Variants in HEXD observed in about 807,000 individuals in gnomAD.
HEXD encodes the protein hexosaminidase D, also known as N-acetyl-beta-galactosaminidase.
In HEXD, 47 loss-of-function variants were observed where a neutral mutation model predicts 54.2. That is an observed-to-expected ratio of 0.87 (90% CI 0.69 to 1.11). HEXD has a LOEUF of 1.11. Among genes scored for constraint, HEXD ranks in the 50% least tolerant of loss-of-function variants. The pLI is 0.00. For missense variants in HEXD, 576 were observed against 649.2 expected (o/e 0.89, Z 1.23); for synonymous variants, 293 against 287.6 (o/e 1.02, Z -0.19).
intron 8 of HEXD, chr17:82,439,310 C>T: frequency 4.3e-6 from 2 of 464,356 alleles, no homozygotes; most frequent in Non-Finnish European, 5.6e-6. Flanking sequence ...TCTCAGAGGC[C>T]AGAGGTGCTG....
At chr17:82,423,812 CAA>C (rs570299369) in intron 2 of HEXD, among the ~76,000 whole-genome samples, 15 of 91,192 alleles carry the variant, frequency 1.6e-4, no homozygotes, top group Non-Finnish European at 1.4e-4. Context: ...GACTCCATCT[CAA>C]AAAAAAAAAA....
intron 4 of HEXD, among the ~76,000 whole-genome samples, chr17:82,429,608 T>C (rs2053520784): frequency 6.6e-6 from 1 of 152,142 alleles, no homozygotes; most frequent in Admixed American, 6.5e-5. Flanking sequence ...TCCAGGTCAC[T>C]AAGTCCAGGG....
intron 4 of HEXD, among the ~76,000 whole-genome samples, chr17:82,429,900 C>A (rs1291546900): frequency 6.6e-6 from 1 of 152,142 alleles, no homozygotes. Flanking sequence ...AACTCCAGAC[C>A]TCCTGGGTTA....
In HEXD at chr17:82,440,390, C is replaced by T. The variant is rs1389391892; in HGVS notation, c.983-607C>T. The stretch of plus-strand genomic sequence containing the variant: ...CTTCTCAGTTGCTGACTCTCAACTG[C>T]TTAGAAAGGGGCAGAAACGATAAAA... On this transcript the variant is annotated intron_variant, in intron 9 of 12. Coordinates refer to ENST00000327949, the MANE Select transcript of HEXD (RefSeq NM_001330542.2). The T allele has an allele frequency of 1.2e-5, 13 of 1,059,448 alleles. No homozygotes were observed. In the South Asian group the frequency reaches 1.7e-4, roughly 14 times the overall value. The allele number at this position is 1,059,448 out of a possible 1,614,324, so 65.6% of individuals were successfully genotyped here.
chr17:82,440,347 A>G, intron 9 of HEXD: 4 of 1,224,556 alleles, frequency 3.3e-6, no homozygotes, highest in Non-Finnish European at 4.2e-6. Flanking sequence ...GAGAGGACGC[A>G]GAATGAGATC....
At chr17:82,436,473 G>A (rs1184247758) in intron 6 of HEXD, among the ~76,000 whole-genome samples, 194 bp from the exon 7 acceptor site, 1 of 152,226 alleles carries the variant, frequency 6.6e-6, no homozygotes, top group African/African-American at 2.4e-5. Flanking sequence ...GAGCATGGTC[G>A]CTCCAGCGGG....
chr17:82,430,112 A>G (rs2053535211), intron 4 of HEXD, among the ~76,000 whole-genome samples: 1 of 152,086 alleles, frequency 6.6e-6, no homozygotes, highest in Non-Finnish European at 1.5e-5. Context: ...TGGACTCACC[A>G]TGAAACTTTC....
intron 2 of HEXD, among the ~76,000 whole-genome samples, chr17:82,421,895 G>A (rs2053245625): frequency 6.6e-6 from 1 of 152,010 alleles, no homozygotes. Flanking sequence ...GAAAAAAGAA[G>A]GCCAGGCACG....
At chr17:82,424,345 C>A (rs376215930) in intron 2 of HEXD, 49 bp from the exon 3 acceptor site, 2 of 1,248,838 alleles carry the variant, frequency 1.6e-6, no homozygotes, top group Non-Finnish European at 2.4e-6. Flanking sequence ...CTTGCCACAT[C>A]GTGCTCCAGC....
chr17:82,436,684 C>T lies in HEXD; in HGVS notation c.649C>T (p.Leu217=). The part of the protein sequence containing the change: ...DQLAASGVPQ[L]VEPVLWDYTA... Reference sequence around the variant, plus strand: ...GTCTGCAGCGTCCGGGGTGCCGCAGCTGGTGGAGCCGGTGCTCTGGGACTA... The same window carrying T: ...GTCTGCAGCGTCCGGGGTGCCGCAGTTGGTGGAGCCGGTGCTCTGGGACTA... The change falls in exon 7 of 13, where the codon CTG becomes TTG. Residue 217 remains leucine, a synonymous_variant. Transcript: ENST00000327949. 1 of 1,611,810 alleles carries T rather than the reference C, an allele frequency of 6.2e-7. No homozygotes were observed. The highest frequency in any genetic ancestry group is 8.5e-7 in the Non-Finnish European group (1 of 1,179,576).
chr17:82,441,906 T>TTA lies in HEXD; in HGVS notation c.1253+20_1253+21dup. ...AGCGCTCAGGTGAGGCCCTGGGCTCTTATAGGCCGTGCAGCCATGGGTTCC... is the reference window on the plus strand; with the variant it reads ...AGCGCTCAGGTGAGGCCCTGGGCTCTTATATAGGCCGTGCAGCCATGGGTTCC... On this transcript the variant is annotated intron_variant, in intron 12 of 12. Transcript: ENST00000327949. 6.2e-7 allele frequency: 1 copy of TTA among 1,609,738 alleles called. No individual in the cohort carries two copies. Among genetic ancestry groups the TTA allele is most frequent in the Non-Finnish European group, 8.5e-7 (1 of 1,177,554 alleles).
rs2053338579 is a variant in HEXD, at chr17:82,424,522, G to C, written c.194+19G>C. 6.4e-7 allele frequency: 1 copy of C among 1,563,194 alleles called. No homozygotes were observed. The highest frequency in any genetic ancestry group is 2.2e-5 in the East Asian group (1 of 44,614). On this transcript the variant is annotated intron_variant, in intron 3 of 12. Coordinates refer to ENST00000327949, the MANE Select transcript of HEXD (RefSeq NM_001330542.2). ...CCTACAGGTAACACTGCCCGTGGCAGGTACAGGGGCGCGGCGTGAAAGCGG... is the reference window on the plus strand; with the variant it reads ...CCTACAGGTAACACTGCCCGTGGCACGTACAGGGGCGCGGCGTGAAAGCGG...
intron 3 of HEXD, among the ~76,000 whole-genome samples, chr17:82,425,243 AGAGAAGGCTG>A (rs556736940): frequency 1.3e-3 from 191 of 143,902 alleles, no homozygotes; most frequent in African/African-American, 3.9e-3. Context: ...GGAGGAGGCT[AGAGAAGGCTG>A]GAGAAGGCTG....
At chr17:82,433,107 T>A (rs1171915714) in intron 4 of HEXD, among the ~76,000 whole-genome samples, 207 of 12,110 alleles carry the variant, frequency 0.017, 21 homozygotes, top group African/African-American at 0.037. Context: ...TATATATATA[T>A]ATATATATAT....
At chr17:82,429,856 C>T (rs954897865) in intron 4 of HEXD, among the ~76,000 whole-genome samples, 1 of 152,190 alleles carries the variant, frequency 6.6e-6, no homozygotes, top group Non-Finnish European at 1.5e-5. Flanking sequence ...TCCTCCTCTT[C>T]GTCTTCCTCT....
chr17:82,421,271 T>C (rs2053228262), intron 2 of HEXD, among the ~76,000 whole-genome samples: 1 of 151,788 alleles, frequency 6.6e-6, no homozygotes, highest in African/African-American at 2.4e-5. Flanking sequence ...TGCAAAACTC[T>C]CAGAAATACG....
In HEXD at chr17:82,418,400, C is replaced by T; in HGVS notation, c.-392C>T. 4 of 1,475,552 alleles carry T rather than the reference C, an allele frequency of 2.7e-6. No homozygotes were observed. Among genetic ancestry groups the T allele is most frequent in the Non-Finnish European group, 3.6e-6 (4 of 1,117,816 alleles). The allele number at this position is 1,475,552 out of a possible 1,614,324, so 91.4% of individuals were successfully genotyped here. On this transcript the variant is annotated 5_prime_UTR_variant, in exon 1 of 13. Transcript: ENST00000327949. ...CCGCCGCAGCGCGCGCCCTTCCCCT[C>T]CTCACCGCTACCTGCTCCGGTTCCG... is the stretch of plus-strand genomic sequence containing the variant.
chr17:82,433,091 A>AAAAAAAATAT (rs1555617647), intron 4 of HEXD, among the ~76,000 whole-genome samples: 1 of 13,234 alleles, frequency 7.6e-5, no homozygotes. Context: ...AAAAAAAAAA[A>AAAAAAAATAT]ATATATATAT....
At chr17:82,422,437 C>T (rs1331762718) in intron 2 of HEXD, among the ~76,000 whole-genome samples, 2 of 150,584 alleles carry the variant, frequency 1.3e-5, no homozygotes, top group Non-Finnish European at 2.9e-5. Context: ...GTGGAGGTTG[C>T]AGTGAGCCAA....
Sources: allele counts gnomAD v4.1 joint callset (sites outside exome capture counted in the v4.1 genomes callset), GRCh38; gene constraint gnomAD v4.1.1; transcripts MANE v1.5; gene names NCBI Gene and HGNC (gene_info 2026-07-23, HGNC 2026-07-21).